The following SPIRE1 variants were observed in gnomAD, a reference collection of about 807,000 sequenced individuals.
SPIRE1 encodes the protein protein spire homolog 1.
Under a neutral mutation model 94.1 loss-of-function variants are expected in SPIRE1, and 40 were observed. That is an observed-to-expected ratio of 0.43 (90% CI 0.33 to 0.55). SPIRE1 has a LOEUF of 0.55. SPIRE1 is among the 20% of genes least tolerant of loss of function. The pLI is 0.06. For missense variants in SPIRE1, 838 were observed against 975.2 expected (o/e 0.86, Z 1.87); for synonymous variants, 376 against 371.7 (o/e 1.01, Z -0.13).
rs529403096 is a variant in SPIRE1, at chr18:12,587,520, A to G, written c.373-40616T>C. On this transcript the variant is annotated intron_variant, in intron 2 of 16. Transcript: ENST00000409402. ...AGGAGCATATTCTAAGAGAACACAGAAAGGTTCTCAATTTTTGAAACAAAA... is the reference window on the plus strand; with the variant it reads ...AGGAGCATATTCTAAGAGAACACAGGAAGGTTCTCAATTTTTGAAACAAAA... Among the ~76,000 whole-genome samples the G allele has an allele frequency of 6.6e-5, 10 of 152,292 alleles. No individual in the cohort carries two copies. The East Asian group carries it at 1.9e-3, about 29-fold the overall frequency.
chr18:12,552,696 C>G (rs2035387362), intron 2 of SPIRE1, among the ~76,000 whole-genome samples: 1 of 151,988 alleles, frequency 6.6e-6, no homozygotes. Flanking sequence ...TGTATGCAAC[C>G]CCCAGTCACG....
At chr18:12,470,416 T>C (rs1386450757) in intron 10 of SPIRE1, among the ~76,000 whole-genome samples, 1 of 152,186 alleles carries the variant, frequency 6.6e-6, no homozygotes, top group Non-Finnish European at 1.5e-5. Flanking sequence ...CCCAGAAGTG[T>C]TAATGGCCCA....
At chr18:12,595,794 A>G (rs561524932) in intron 2 of SPIRE1, among the ~76,000 whole-genome samples, 1 of 152,388 alleles carries the variant, frequency 6.6e-6, no homozygotes, top group East Asian at 1.9e-4. Flanking sequence ...CAGAGATATC[A>G]CAAAATACTA....
At chr18:12,522,650 C>T (rs907515930) in intron 4 of SPIRE1, among the ~76,000 whole-genome samples, 1 of 152,156 alleles carries the variant, frequency 6.6e-6, no homozygotes, top group Non-Finnish European at 1.5e-5. Flanking sequence ...GGGTGACTCT[C>T]TTGTTAGGGG....
At chr18:12,551,260 A>G (rs1567927493) in intron 2 of SPIRE1, among the ~76,000 whole-genome samples, 1 of 152,222 alleles carries the variant, frequency 6.6e-6, no homozygotes, top group Non-Finnish European at 1.5e-5. Flanking sequence ...CACTTGGTTC[A>G]TAGCAGATGC....
chr18:12,597,136 C>T (rs1225153131), intron 2 of SPIRE1, among the ~76,000 whole-genome samples: 1 of 148,990 alleles, frequency 6.7e-6, no homozygotes, highest in Non-Finnish European at 1.5e-5. Context: ...ATTTTTGCAA[C>T]TTCCCTCTAG....
intron 2 of SPIRE1, among the ~76,000 whole-genome samples, chr18:12,602,310 C>T (rs990579370): frequency 6.6e-6 from 1 of 152,132 alleles, no homozygotes; most frequent in African/African-American, 2.4e-5. Flanking sequence ...GAAATGCATA[C>T]TCAAAAGGTT....
At chr18:12,652,946 C>T (rs552138372) in intron 1 of SPIRE1, 4 of 152,148 alleles carry the variant, frequency 2.6e-5, no homozygotes, top group African/African-American at 2.4e-5. Flanking sequence ...AGAACCAGTA[C>T]GACTCATTCA....
chr18:12,503,602 G>T (rs1231316843), intron 6 of SPIRE1, among the ~76,000 whole-genome samples: 2 of 152,076 alleles, frequency 1.3e-5, no homozygotes, highest in Non-Finnish European at 2.9e-5. Context: ...CTTTGGATAT[G>T]TTGGGTTTTT....
chr18:12,619,503 G>A (rs1207518088), intron 2 of SPIRE1, among the ~76,000 whole-genome samples: 2 of 151,684 alleles, frequency 1.3e-5, no homozygotes, highest in African/African-American at 4.8e-5. Flanking sequence ...GCGAGACTCC[G>A]TCTCGAAAAA....
intron 2 of SPIRE1, among the ~76,000 whole-genome samples, chr18:12,563,168 C>A (rs752911616): frequency 2.6e-5 from 4 of 151,522 alleles, no homozygotes; most frequent in Non-Finnish European, 4.4e-5. Context: ...CTCACAGATA[C>A]CCCCAACCCC....
Position 12,510,034 on chromosome 18 carries a change from G to A in SPIRE1, c.807+2420C>T, listed in dbSNP as rs12963369. Among the ~76,000 whole-genome samples the A allele has an allele frequency of 6.6e-5, 10 of 150,434 alleles. No individual in the cohort carries two copies. The East Asian group carries it at 7.8e-4, about 12-fold the overall frequency. ...CAGGAGGCGGAGGTTGCAGTGAGCCGAGATCACGCCACTGTACTCCAGCCT... is the reference window on the plus strand; with the variant it reads ...CAGGAGGCGGAGGTTGCAGTGAGCCAAGATCACGCCACTGTACTCCAGCCT... On this transcript the variant is annotated intron_variant, in intron 5 of 16. Transcript: ENST00000409402.
intron 2 of SPIRE1, among the ~76,000 whole-genome samples, chr18:12,585,420 A>G (rs1040958593): frequency 6.6e-6 from 1 of 152,214 alleles, no homozygotes; most frequent in African/African-American, 2.4e-5. Flanking sequence ...GAGATGTCGC[A>G]ATGTCATGTC....
chr18:12,486,141 A>T, intron 8 of SPIRE1, 141 bp from the exon 9 acceptor site: 1 of 627,098 alleles, frequency 1.6e-6, no homozygotes, highest in Non-Finnish European at 2.8e-6. Flanking sequence ...CTAGTGAATG[A>T]AAATCTGAAA....
chr18:12,588,122 A>C (rs2036437337), intron 2 of SPIRE1, among the ~76,000 whole-genome samples: 2 of 152,210 alleles, frequency 1.3e-5, no homozygotes, highest in Admixed American at 1.3e-4. Flanking sequence ...TCTACAACTT[A>C]GCATGTTGAA....
At position 12,447,213 on chromosome 18, in the gene SPIRE1, T is replaced by C. The variant is rs569462679; in HGVS notation, c.*2425A>G. On this transcript the variant is annotated 3_prime_UTR_variant, in exon 17 of 17. Coordinates refer to ENST00000409402, the MANE Select transcript of SPIRE1 (RefSeq NM_001128626.2). ...GGATGATGGTTCAGATACGCACACA[T>C]GCTCTAAGACACATCAGACTCTAGC... The C allele has an allele frequency of 1.3e-5, 2 of 152,146 alleles. No individual in the cohort carries two copies. The highest frequency in any genetic ancestry group is 2.9e-5 in the Non-Finnish European group (2 of 68,060). The allele number at this position is 152,146 out of a possible 1,614,324, so 9.4% of individuals were successfully genotyped here.
intron 8 of SPIRE1, among the ~76,000 whole-genome samples, chr18:12,487,828 A>G (rs1028392139): frequency 6.6e-6 from 1 of 152,370 alleles, no homozygotes; most frequent in East Asian, 1.9e-4. Flanking sequence ...GTAAAGCTCA[A>G]TAAAGCTGTT....
intron 1 of SPIRE1, chr18:12,656,796 T>C: frequency 4.5e-6 from 2 of 443,982 alleles, no homozygotes; most frequent in Non-Finnish European, 6.0e-6. Flanking sequence ...GACAATGACG[T>C]AACTAAGGCC....
At chr18:12,453,690 G>A (rs2031359387) in intron 13 of SPIRE1, among the ~76,000 whole-genome samples, 2 of 151,928 alleles carry the variant, frequency 1.3e-5, no homozygotes, top group Admixed American at 1.3e-4. Context: ...TGCCTAGGCC[G>A]CCCAAAGTGC....
Sources: allele counts gnomAD v4.1 joint callset (sites outside exome capture counted in the v4.1 genomes callset), GRCh38; gene constraint gnomAD v4.1.1; transcripts MANE v1.5; gene names NCBI Gene and HGNC (gene_info 2026-07-23, HGNC 2026-07-21).